Variants in PCDH15 observed in about 807,000 individuals in gnomAD.
PCDH15 encodes the protein protocadherin-15.
In PCDH15, 129 loss-of-function variants were observed where a neutral mutation model predicts 178.5. The observed-to-expected ratio is 0.72, with a 90% confidence interval of 0.63 to 0.84. PCDH15 has a LOEUF of 0.84. Among genes scored for constraint, PCDH15 ranks in the 40% least tolerant of loss-of-function variants. The pLI is 0.00. For synonymous variants in PCDH15, 800 were observed against 732.0 expected (o/e 1.09, Z -1.50); for missense variants, 2,230 against 2,099.9 (o/e 1.06, Z -1.21).
At chr10:54,038,792 C>A (rs780866404) in intron 18 of PCDH15, among the ~76,000 whole-genome samples, 2 of 151,928 alleles carry the variant, frequency 1.3e-5, no homozygotes, top group Non-Finnish European at 1.5e-5. Flanking sequence ...TGGTTTTTTT[C>A]TTAGAGTATA....
chr10:54,426,541 A>T (rs1291394444), intron 3 of PCDH15, among the ~76,000 whole-genome samples: 1 of 152,136 alleles, frequency 6.6e-6, no homozygotes, highest in East Asian at 1.9e-4. Context: ...GAACGGTACC[A>T]GTTTGTGGCC....
chr10:53,868,600 C>CATA (rs1175939093), intron 26 of PCDH15, among the ~76,000 whole-genome samples: 5 of 152,152 alleles, frequency 3.3e-5, no homozygotes, highest in Non-Finnish European at 5.9e-5. Flanking sequence ...TGAAAGACTA[C>CATA]ATAATAAGTA....
intron 23 of PCDH15, among the ~76,000 whole-genome samples, chr10:53,950,039 C>G (rs2086890800): frequency 1.3e-5 from 2 of 152,038 alleles, no homozygotes; most frequent in Admixed American, 1.3e-4. Context: ...TATTACAAAA[C>G]TAATTCGTAT....
At chr10:55,065,059 T>C (rs1021992771) in intron 2 of PCDH15, among the ~76,000 whole-genome samples, 4 of 152,040 alleles carry the variant, frequency 2.6e-5, no homozygotes, top group Non-Finnish European at 5.9e-5. Context: ...AGAAGGGCTG[T>C]CCACAGGAAG....
chr10:55,150,205 T>C (rs1207427455), intron 2 of PCDH15, among the ~76,000 whole-genome samples: 1 of 151,860 alleles, frequency 6.6e-6, no homozygotes, highest in African/African-American at 2.4e-5. Flanking sequence ...AACCTGAAAA[T>C]CTGCCAATTC....
At chr10:54,676,425 G>A (rs1037121336) in intron 1 of PCDH15, among the ~76,000 whole-genome samples, 2 of 151,872 alleles carry the variant, frequency 1.3e-5, no homozygotes. Context: ...TCATAGAAAA[G>A]TCATTAAAAA....
At chr10:54,627,241 G>T (rs1337531385) in intron 2 of PCDH15, among the ~76,000 whole-genome samples, 1 of 152,102 alleles carries the variant, frequency 6.6e-6, no homozygotes, top group African/African-American at 2.4e-5. Flanking sequence ...TCTCGGGAAG[G>T]CATATTTGGT....
chr10:54,190,153 G>T (rs1391003823), intron 11 of PCDH15, among the ~76,000 whole-genome samples: 1 of 151,988 alleles, frequency 6.6e-6, no homozygotes, highest in Non-Finnish European at 1.5e-5. Flanking sequence ...CTAAATTAAA[G>T]GGAGAAACAC....
chr10:55,125,185 G>GTA (rs1554833085), intron 2 of PCDH15, among the ~76,000 whole-genome samples: 1 of 151,480 alleles, frequency 6.6e-6, no homozygotes, highest in Non-Finnish European at 1.5e-5. Flanking sequence ...GTGTGTGTGT[G>GTA]TGTGTGTGTA....
At chr10:54,497,566 G>C (rs9415342) in intron 3 of PCDH15, among the ~76,000 whole-genome samples, 6,683 of 152,148 alleles carry the variant, frequency 0.044, 491 homozygotes, top group African/African-American at 0.15. Context: ...TCCAATATTT[G>C]AAAGATGGTA....
chr10:54,331,410 G>C (rs145657915), intron 6 of PCDH15, among the ~76,000 whole-genome samples: 99 of 152,006 alleles, frequency 6.5e-4, no homozygotes, highest in African/African-American at 2.3e-3. Context: ...CTTGGATGCA[G>C]TCATTTAAAA....
chr10:53,878,462 T>C (rs995265614), intron 26 of PCDH15, among the ~76,000 whole-genome samples: 2 of 139,742 alleles, frequency 1.4e-5, no homozygotes, highest in Non-Finnish European at 3.0e-5. Flanking sequence ...AATGTGTGTG[T>C]ATGCCATAGT....
intron 10 of PCDH15, among the ~76,000 whole-genome samples, chr10:54,207,262 A>G (rs1184918063): frequency 6.6e-6 from 1 of 151,972 alleles, no homozygotes; most frequent in Non-Finnish European, 1.5e-5. Context: ...TTGGCATAAT[A>G]GTTAATTAAT....
At chr10:54,728,738 A>G (rs1942931789) in intron 1 of PCDH15, among the ~76,000 whole-genome samples, 1 of 151,602 alleles carries the variant, frequency 6.6e-6, no homozygotes, top group Non-Finnish European at 1.5e-5. Context: ...GTTTCAGGAT[A>G]CAAAATTAAT....
intron 1 of PCDH15, among the ~76,000 whole-genome samples, chr10:54,752,497 A>C (rs1175197909): frequency 1.0e-5 from 1 of 95,932 alleles, no homozygotes; most frequent in African/African-American, 4.4e-5. Context: ...AAAAACAAAA[A>C]ACAAAAAACA....
At chr10:54,209,991 A>C (rs2134068111) in intron 10 of PCDH15, among the ~76,000 whole-genome samples, 1 of 152,220 alleles carries the variant, frequency 6.6e-6, no homozygotes, top group Non-Finnish European at 1.5e-5. Context: ...TTACTGAAGG[A>C]TGACACCTTG....
At chr10:54,275,397 A>G (rs145696876) in intron 8 of PCDH15, among the ~76,000 whole-genome samples, 134 of 151,978 alleles carry the variant, frequency 8.8e-4, no homozygotes, top group African/African-American at 3.1e-3. Flanking sequence ...TGACTTGCCT[A>G]AGGTAAAAGT....
At chr10:54,704,239 T>C (rs1411135932) in intron 1 of PCDH15, among the ~76,000 whole-genome samples, 1 of 152,068 alleles carries the variant, frequency 6.6e-6, no homozygotes, top group Admixed American at 6.6e-5. Context: ...AAAACAAAAA[T>C]TGACAACCGG....
At chr10:53,870,907 T>G (rs1055100551) in intron 26 of PCDH15, among the ~76,000 whole-genome samples, 2 of 152,084 alleles carry the variant, frequency 1.3e-5, no homozygotes, top group Non-Finnish European at 2.9e-5. Flanking sequence ...ATGTGAAAAA[T>G]AAGTGAGAGT....
Sources: allele counts gnomAD v4.1 joint callset (sites outside exome capture counted in the v4.1 genomes callset), GRCh38; gene constraint gnomAD v4.1.1; transcripts MANE v1.5; gene names NCBI Gene and HGNC (gene_info 2026-07-23, HGNC 2026-07-21).